The following BLM variants were observed in gnomAD, a reference collection of about 807,000 sequenced individuals.
BLM encodes the protein recQ-like DNA helicase BLM.
Under a neutral mutation model 135.3 loss-of-function variants are expected in BLM, and 95 were observed. The ratio of observed to expected loss-of-function variants is 0.70; its 90% CI spans 0.59 to 0.83. BLM has a LOEUF of 0.83. Ranked by LOEUF, BLM falls within the 40% of genes least tolerant of loss-of-function variation. The probability of loss-of-function intolerance (pLI) is 0.00; values close to 1 mark genes in which losing one functional copy is unlikely to be tolerated. For missense variants in BLM, 1,518 were observed against 1,663.9 expected (o/e 0.91, Z 1.53); for synonymous variants, 520 against 589.2 (o/e 0.88, Z 1.70).
intron 1 of BLM, among the ~76,000 whole-genome samples, chr15:90,718,755 C>T (rs922299536): frequency 1.3e-5 from 2 of 151,982 alleles, no homozygotes; most frequent in African/African-American, 4.8e-5. Flanking sequence ...GTAGTTATTT[C>T]CTTCGTTTTA....
rs140020214 is a variant in BLM, at chr15:90,763,707, G to A, written c.2074+550G>A. ...GTACCTGGTTCACAGAGTGGCATGA[G>A]GATTAAATGAAAATCATTTAGCACG... On this transcript the variant is annotated intron_variant, in intron 8 of 21. Transcript: ENST00000355112. Among the ~76,000 whole-genome samples the A allele has an allele frequency of 3.3e-3, 497 of 152,290 alleles. 1 individual carries two copies. The highest frequency in any genetic ancestry group is 0.011 in the African/African-American group (474 of 41,566).
intron 1 of BLM, among the ~76,000 whole-genome samples, chr15:90,741,629 A>AT: frequency 6.6e-6 from 1 of 152,152 alleles, no homozygotes; most frequent in East Asian, 1.9e-4. Context: ...AGGGTCTGAG[A>AT]TTTTACCCTA....
At chr15:90,774,036 C>G (rs1342878274) in intron 12 of BLM, among the ~76,000 whole-genome samples, 1 of 140,514 alleles carries the variant, frequency 7.1e-6, no homozygotes, top group Admixed American at 7.1e-5. Flanking sequence ...AATTCAAGGA[C>G]TACTAAACTA....
chr15:90,766,676 C>T (rs1896137210), intron 9 of BLM, among the ~76,000 whole-genome samples: 1 of 152,184 alleles, frequency 6.6e-6, no homozygotes, highest in African/African-American at 2.4e-5. Flanking sequence ...GATCCACCTG[C>T]CTCAGCCTCC....
chr15:90,805,877 T>G (rs1333689545), intron 19 of BLM, among the ~76,000 whole-genome samples: 1 of 151,976 alleles, frequency 6.6e-6, no homozygotes, highest in African/African-American at 2.4e-5. Flanking sequence ...TTATTTGTGC[T>G]GATTATTTGC....
At chr15:90,779,360 T>G in intron 12 of BLM, among the ~76,000 whole-genome samples, 1 of 152,248 alleles carries the variant, frequency 6.6e-6, no homozygotes, top group South Asian at 2.1e-4. Flanking sequence ...TTTCTGAAAA[T>G]AAATATATTT....
At chr15:90,762,841 A>C in intron 7 of BLM, 125 bp from the exon 8 acceptor site, 1 of 895,080 alleles carries the variant, frequency 1.1e-6, no homozygotes, top group South Asian at 1.7e-5. Flanking sequence ...AAAGCCAGTA[A>C]AGAGTTTAAG....
intron 1 of BLM, among the ~76,000 whole-genome samples, chr15:90,730,955 T>G (rs1406224844): frequency 6.6e-6 from 1 of 152,074 alleles, no homozygotes; most frequent in Non-Finnish European, 1.5e-5. Flanking sequence ...ATTTATTTAT[T>G]TATCCTTTTA....
intron 14 of BLM, among the ~76,000 whole-genome samples, chr15:90,789,987 G>GTTTTTTTTTTGTTT (rs1896857678): frequency 3.5e-5 from 2 of 57,358 alleles, no homozygotes; most frequent in Admixed American, 2.4e-4. Context: ...AGTCCCTGGT[G>GTTTTTTTTTTGTTT]TTTTTTTTTT....
intron 5 of BLM, chr15:90,759,913 TAAAAA>T (rs60293840): frequency 9.5e-5 from 27 of 285,406 alleles, no homozygotes; most frequent in Non-Finnish European, 1.4e-4. Flanking sequence ...AGCCCCACTT[TAAAAA>T]AAAAAAAAAA....
chr15:90,797,983 A>C (rs1897070568), intron 16 of BLM, among the ~76,000 whole-genome samples: 1 of 152,138 alleles, frequency 6.6e-6, no homozygotes, highest in Non-Finnish European at 1.5e-5. Flanking sequence ...GAAAGACAAG[A>C]CGTATCTCTG....
intron 12 of BLM, among the ~76,000 whole-genome samples, chr15:90,777,632 C>T (rs1567049701): frequency 1.3e-5 from 2 of 152,254 alleles, no homozygotes; most frequent in East Asian, 3.9e-4. Flanking sequence ...TCCAGCAGAA[C>T]CTTAGACAAG....
chr15:90,810,175 C>T (rs1219490920), intron 20 of BLM, among the ~76,000 whole-genome samples: 1 of 151,588 alleles, frequency 6.6e-6, no homozygotes, highest in Non-Finnish European at 1.5e-5. Flanking sequence ...ACCTCAGCCT[C>T]CCCAGTAGCT....
chr15:90,728,819 C>T (rs1894987035), intron 1 of BLM, among the ~76,000 whole-genome samples: 1 of 152,134 alleles, frequency 6.6e-6, no homozygotes, highest in Admixed American at 6.5e-5. Flanking sequence ...CTCCAGCAGT[C>T]TTCCTAAACA....
At chr15:90,725,155 C>T (rs937365542) in intron 1 of BLM, among the ~76,000 whole-genome samples, 3 of 152,008 alleles carry the variant, frequency 2.0e-5, no homozygotes, top group Admixed American at 2.0e-4. Flanking sequence ...GTGATCTGCC[C>T]GTCTCGGCCT....
chr15:90,744,563 G>C (rs188533531), intron 1 of BLM, among the ~76,000 whole-genome samples: 1 of 151,898 alleles, frequency 6.6e-6, no homozygotes, highest in Non-Finnish European at 1.5e-5. Context: ...GTAGAGACAG[G>C]GATTCACCAT....
chr15:90,724,574 C>T (rs576765930), intron 1 of BLM, among the ~76,000 whole-genome samples: 2 of 152,302 alleles, frequency 1.3e-5, no homozygotes, highest in South Asian at 2.1e-4. Flanking sequence ...ATTCCAGACC[C>T]CCCACTTCAG....
At chr15:90,798,877 G>A (rs1347809811) in intron 17 of BLM, among the ~76,000 whole-genome samples, 2 of 152,146 alleles carry the variant, frequency 1.3e-5, no homozygotes, top group Admixed American at 6.5e-5. Context: ...CAGCTACTCG[G>A]GAGGCTGAGG....
At chr15:90,732,052 G>A in intron 1 of BLM, among the ~76,000 whole-genome samples, 1 of 151,808 alleles carries the variant, frequency 6.6e-6, no homozygotes, top group Non-Finnish European at 1.5e-5. Context: ...TATTTTTTCA[G>A]TTTCTTTTCT....
Sources: allele counts gnomAD v4.1 joint callset (sites outside exome capture counted in the v4.1 genomes callset), GRCh38; gene constraint gnomAD v4.1.1; transcripts MANE v1.5; gene names NCBI Gene and HGNC (gene_info 2026-07-23, HGNC 2026-07-21).